ZNF407: variants seen among roughly 807,000 people sequenced by gnomAD.
ZNF407 encodes the protein zinc finger protein 407.
In ZNF407, 17 loss-of-function variants were observed where a neutral mutation model predicts 131.2. That is an observed-to-expected ratio of 0.13 (90% CI 0.09 to 0.19). The LOEUF (loss-of-function observed/expected upper bound fraction) is 0.19. Ranked by LOEUF, ZNF407 falls within the 10% of genes least tolerant of loss-of-function variation. The pLI is 1.00. For synonymous variants in ZNF407, 1,156 were observed against 1,062.0 expected, an observed-to-expected ratio of 1.09 and a Z score of -1.72; for missense variants, 2,681 against 2,830.6, an observed-to-expected ratio of 0.95 and a Z score of 1.20.
chr18:74,873,712 TAAA>T (rs71170328), intron 4 of ZNF407, among the ~76,000 whole-genome samples: 2 of 141,042 alleles, frequency 1.4e-5, no homozygotes, highest in African/African-American at 2.6e-5. Flanking sequence ...CCCTGGCTCT[TAAA>T]AAAAAAAAAA....
intron 6 of ZNF407, among the ~76,000 whole-genome samples, chr18:74,883,569 A>G (rs761521675): frequency 6.6e-6 from 1 of 152,216 alleles, no homozygotes; most frequent in Non-Finnish European, 1.5e-5. Flanking sequence ...ATTTACTTTT[A>G]TCACCTGTCA....
intron 8 of ZNF407, among the ~76,000 whole-genome samples, chr18:74,992,754 A>G (rs1405809560): frequency 6.6e-6 from 1 of 152,020 alleles, no homozygotes; most frequent in African/African-American, 2.4e-5. Flanking sequence ...GAAGTCTCAC[A>G]GTGATTTTTG....
chr18:74,619,456 T>C (rs971458037), intron 1 of ZNF407, among the ~76,000 whole-genome samples: 1 of 152,260 alleles, frequency 6.6e-6, no homozygotes, highest in South Asian at 2.1e-4. Context: ...GACATTCATA[T>C]GTTATATGCT....
intron 3 of ZNF407, among the ~76,000 whole-genome samples, chr18:74,752,458 G>A (rs1968829149): frequency 6.6e-6 from 1 of 152,208 alleles, no homozygotes; most frequent in African/African-American, 2.4e-5. Context: ...CCATGCCTAT[G>A]TCCTGAATGG....
At chr18:74,999,385 AACTT>A (rs1361765859) in intron 8 of ZNF407, among the ~76,000 whole-genome samples, 1 of 150,754 alleles carries the variant, frequency 6.6e-6, no homozygotes, top group African/African-American at 2.4e-5. Context: ...ACAAAGGTAA[AACTT>A]AAGTATTTTG....
intron 3 of ZNF407, among the ~76,000 whole-genome samples, chr18:74,698,419 T>TTGTA (rs1967411245): frequency 6.6e-6 from 1 of 152,168 alleles, no homozygotes; most frequent in Non-Finnish European, 1.5e-5. Flanking sequence ...TCTGAGCTGG[T>TTGTA]TGTATGTATA....
At chr18:74,950,382 A>G (rs1599259709) in intron 8 of ZNF407, among the ~76,000 whole-genome samples, 1 of 152,216 alleles carries the variant, frequency 6.6e-6, no homozygotes, top group South Asian at 2.1e-4. Context: ...TAGGTCCTCA[A>G]TGAATTGTGG....
At chr18:74,999,348 TAAAAAAAAAAA>T (rs71170334) in intron 8 of ZNF407, among the ~76,000 whole-genome samples, 1,357 of 60,512 alleles carry the variant, frequency 0.022, 28 homozygotes, top group African/African-American at 0.064. Flanking sequence ...TAGAGTATAA[TAAAAAAAAAAA>T]AAAAAAAAAA....
At chr18:74,878,573 A>G (rs975708441) in intron 5 of ZNF407, among the ~76,000 whole-genome samples, 2 of 152,254 alleles carry the variant, frequency 1.3e-5, no homozygotes, top group South Asian at 4.1e-4. Flanking sequence ...GATCAATAAT[A>G]TAGATTTTTG....
chr18:74,649,440 T>C (rs1485411998), intron 3 of ZNF407, among the ~76,000 whole-genome samples: 2 of 152,212 alleles, frequency 1.3e-5, no homozygotes. Context: ...AGAAAATAAG[T>C]ATGATTTTTT....
At chr18:74,648,550 C>T (rs928209533) in intron 3 of ZNF407, among the ~76,000 whole-genome samples, 4 of 152,078 alleles carry the variant, frequency 2.6e-5, no homozygotes, top group Non-Finnish European at 4.4e-5. Context: ...AGTGAGTTAC[C>T]GCTTCAGAAT....
chr18:74,601,754 AC>A (rs1277401634), intron 1 of ZNF407, among the ~76,000 whole-genome samples: 1 of 148,794 alleles, frequency 6.7e-6, no homozygotes. Context: ...CAGGAGGGAC[AC>A]CCCCGCCATA....
chr18:74,720,964 T>C (rs1968020318), intron 3 of ZNF407, among the ~76,000 whole-genome samples: 1 of 151,886 alleles, frequency 6.6e-6, no homozygotes, highest in South Asian at 2.1e-4. Flanking sequence ...CAGGATTGCT[T>C]TGACTATTCA....
intron 7 of ZNF407, among the ~76,000 whole-genome samples, chr18:74,909,977 A>G (rs1337740034): frequency 6.6e-6 from 1 of 152,202 alleles, no homozygotes; most frequent in African/African-American, 2.4e-5. Context: ...AAATTGGAGT[A>G]AAAAGCAGTA....
At chr18:74,892,063 GA>G (rs1388053036) in intron 7 of ZNF407, among the ~76,000 whole-genome samples, 5 of 152,060 alleles carry the variant, frequency 3.3e-5, no homozygotes, top group Non-Finnish European at 7.4e-5. Flanking sequence ...ATAAAACAGA[GA>G]AAAGTGTTAT....
At chr18:74,751,910 T>G (rs1025235081) in intron 3 of ZNF407, among the ~76,000 whole-genome samples, 5 of 152,218 alleles carry the variant, frequency 3.3e-5, no homozygotes, top group African/African-American at 1.2e-4. Context: ...CTGGGTCAAA[T>G]GGTATTTCTA....
rs1335627745 is a variant in ZNF407, at chr18:74,630,664, A to G, written c.-53-303A>G. Among the ~76,000 whole-genome samples the G allele has an allele frequency of 3.3e-5, 5 of 152,066 alleles. No individual in the cohort carries two copies. The South Asian group carries it at 8.3e-4, about 25-fold the overall frequency. On this transcript the variant is annotated intron_variant, in intron 1 of 8. Transcript: ENST00000299687. ...TTTGTTTTTTTTTTAAAAGGGTAGT[A>G]AATTGAAGTATGCTGGTACAGAGAA...
At chr18:74,939,585 C>G (rs78584731) in intron 8 of ZNF407, among the ~76,000 whole-genome samples, 2,207 of 152,294 alleles carry the variant, frequency 0.014, 17 homozygotes, top group Non-Finnish European at 0.022. Flanking sequence ...TTAGTTGTCA[C>G]TACATCAAAA....
rs552142774 is a variant in ZNF407, at chr18:74,992,771, G to A, written c.5429-70379G>A. Among the ~76,000 whole-genome samples the A allele has an allele frequency of 1.2e-4, 19 of 152,248 alleles. No individual in the cohort carries two copies. In the East Asian group the frequency reaches 3.7e-3, roughly 29 times the overall value. ...AGTCTCACAGTGATTTTTGGGATGGGCACAAAAGAGTGAACATTCTCACTT... is the reference window on the plus strand; with the variant it reads ...AGTCTCACAGTGATTTTTGGGATGGACACAAAAGAGTGAACATTCTCACTT... On this transcript the variant is annotated intron_variant, in intron 8 of 8. Coordinates refer to ENST00000299687, the MANE Select transcript of ZNF407 (RefSeq NM_017757.3).
Sources: allele counts gnomAD v4.1 joint callset (sites outside exome capture counted in the v4.1 genomes callset), GRCh38; gene constraint gnomAD v4.1.1; transcripts MANE v1.5; gene names NCBI Gene and HGNC (gene_info 2026-07-23, HGNC 2026-07-21).